Variants in SEMA4D observed in about 807,000 individuals in gnomAD.
SEMA4D encodes the protein semaphorin 4D.
A neutral mutation model predicts 74.8 loss-of-function variants in SEMA4D; 22 were observed. The observed-to-expected ratio is 0.29, with a 90% confidence interval of 0.21 to 0.42. The LOEUF (loss-of-function observed/expected upper bound fraction) is 0.42. Among genes scored for constraint, SEMA4D ranks in the 10% least tolerant of loss-of-function variants. The pLI, the probability that SEMA4D is intolerant of heterozygous loss-of-function variation, is 1.00. For missense variants in SEMA4D, 937 were observed against 1,118.4 expected (o/e 0.84, Z 2.31); for synonymous variants, 445 against 463.7 (o/e 0.96, Z 0.52).
chr9:89,478,503 T>C (rs1420900075), intron 1 of SEMA4D, among the ~76,000 whole-genome samples: 1 of 152,276 alleles, frequency 6.6e-6, no homozygotes, highest in Middle Eastern at 3.4e-3. Flanking sequence ...GTTTCTGTTG[T>C]TGGAAACCAC....
At chr9:89,443,723 C>A (rs779698607) in intron 2 of SEMA4D, among the ~76,000 whole-genome samples, 6 of 152,252 alleles carry the variant, frequency 3.9e-5, no homozygotes, top group Non-Finnish European at 5.9e-5. Context: ...AAACTCTCTA[C>A]CCTCCCTCCA....
chr9:89,476,504 T>C (rs997051120), intron 1 of SEMA4D, among the ~76,000 whole-genome samples: 1 of 152,134 alleles, frequency 6.6e-6, no homozygotes, highest in Non-Finnish European at 1.5e-5. Context: ...CCTCATCCAA[T>C]CAGCTGAAGG....
intron 8 of SEMA4D, among the ~76,000 whole-genome samples, chr9:89,391,768 T>C (rs1228297211): frequency 6.6e-6 from 1 of 152,172 alleles, no homozygotes; most frequent in Non-Finnish European, 1.5e-5. Flanking sequence ...AAGGCATGCA[T>C]TTGCTGGTTT....
chr9:89,434,055 T>C (rs943874986), intron 2 of SEMA4D, among the ~76,000 whole-genome samples: 10 of 152,182 alleles, frequency 6.6e-5, no homozygotes, highest in Admixed American at 6.5e-4. Context: ...CTGTGACACA[T>C]GGAGCACACC....
chr9:89,432,057 G>C (rs540683290), intron 2 of SEMA4D, among the ~76,000 whole-genome samples: 1 of 151,942 alleles, frequency 6.6e-6, no homozygotes, highest in Middle Eastern at 3.2e-3. Flanking sequence ...CCCCAGGAGA[G>C]GCATATTTAC....
rs941911421 is a variant in SEMA4D at position 89,484,654 on chromosome 9, G to C, written c.-310+13265C>G. Among the ~76,000 whole-genome samples the C allele has an allele frequency of 1.3e-5, 2 of 151,750 alleles. No homozygotes were observed. The highest frequency in any genetic ancestry group is 1.5e-5 in the Non-Finnish European group (1 of 67,930). ...TATGCAGTATATATGTAGTGTGTGT[G>C]TGGTGTGGTGTGTGTATGTAGTGTG... is the stretch of plus-strand genomic sequence containing the variant. On this transcript the variant is annotated intron_variant, in intron 1 of 15. Coordinates refer to ENST00000422704, the MANE Select transcript of SEMA4D (RefSeq NM_001371194.2). The surrounding 1 kb of genome is among the most constrained non-coding windows in gnomAD (Gnocchi z 4.1).
At chr9:89,384,876 A>G in intron 13 of SEMA4D, 3 of 984,910 alleles carry the variant, frequency 3.0e-6, no homozygotes, top group Non-Finnish European at 3.6e-6. Flanking sequence ...TGGGCCTTCC[A>G]CCCCCACCTG....
At chr9:89,468,010 A>G (rs1318174205) in intron 1 of SEMA4D, among the ~76,000 whole-genome samples, 2 of 100,722 alleles carry the variant, frequency 2.0e-5, no homozygotes, top group African/African-American at 6.6e-5. Context: ...CAGCAGAAAG[A>G]GAGTCAGCCT....
intron 9 of SEMA4D, among the ~76,000 whole-genome samples, chr9:89,390,093 T>A (rs1429473262): frequency 6.6e-6 from 1 of 152,178 alleles, no homozygotes; most frequent in Non-Finnish European, 1.5e-5. Flanking sequence ...CATCGCTGAA[T>A]CTGCTCACTG....
chr9:89,480,820 C>T (rs891188134), intron 1 of SEMA4D, among the ~76,000 whole-genome samples: 1 of 152,242 alleles, frequency 6.6e-6, no homozygotes, highest in Non-Finnish European at 1.5e-5. Flanking sequence ...TCCCTACAAA[C>T]TGGGGGAGTG....
rs777527127 is a variant in SEMA4D at position 89,363,577 on chromosome 9, C to T, written c.2093-50G>A. On this transcript the variant is annotated intron_variant, in intron 17 of 18. Coordinates refer to the SEMA4D transcript ENST00000339861. ...GTCAAAGCTCTGTGGGCCTTTATGG[C>T]ACCCTTGATGCCCACTGGCCACCTT... 77 of 1,609,614 alleles carry T rather than the reference C, an allele frequency of 4.8e-5. No individual in the cohort carries two copies. In the Middle Eastern group the frequency reaches 6.6e-4, roughly 14 times the overall value.
At chr9:89,364,123 G>A (rs549652453) in intron 16 of SEMA4D, 11 of 1,397,130 alleles carry the variant, frequency 7.9e-6, no homozygotes, top group African/African-American at 4.3e-5. Flanking sequence ...CATGGCCAGC[G>A]GGAGCCTTGG....
At chr9:89,494,949 C>T (rs1825893760) in intron 1 of SEMA4D, among the ~76,000 whole-genome samples, 1 of 152,204 alleles carries the variant, frequency 6.6e-6, no homozygotes, top group African/African-American at 2.4e-5. Context: ...CCATGAGACA[C>T]ATCAATAGCC....
intron 1 of SEMA4D, among the ~76,000 whole-genome samples, chr9:89,489,334 T>A (rs746849787): frequency 1.3e-5 from 2 of 152,250 alleles, no homozygotes; most frequent in Non-Finnish European, 2.9e-5. Context: ...TCACAGCATG[T>A]CTTATATCAT....
chr9:89,482,037 G>C (rs1824752190), intron 1 of SEMA4D, among the ~76,000 whole-genome samples: 1 of 152,220 alleles, frequency 6.6e-6, no homozygotes, highest in Non-Finnish European at 1.5e-5. Context: ...AAGGAGGCAG[G>C]GAGAGGGGTC....
At chr9:89,362,060 AGAG>A (rs1472612769) in exon 19 of SEMA4D, 3 of 464,014 alleles carry the variant, frequency 6.5e-6, no homozygotes, top group African/African-American at 3.9e-5. Context: ...GCCTGACCGT[AGAG>A]GAGGAACCTG....
At chr9:89,397,626 G>C (rs1192906419) in intron 5 of SEMA4D, among the ~76,000 whole-genome samples, 1 of 152,226 alleles carries the variant, frequency 6.6e-6, no homozygotes, top group Non-Finnish European at 1.5e-5. Flanking sequence ...CTGGTTGGAA[G>C]TAATTCACTA....
chr9:89,461,691 C>CTTT, intron 1 of SEMA4D, among the ~76,000 whole-genome samples: 1 of 92,208 alleles, frequency 1.1e-5, no homozygotes, highest in Non-Finnish European at 2.3e-5. Context: ...ATGTGTATTT[C>CTTT]TTTTTTCTCT....
At chr9:89,390,830 G>T (rs1490824892) in intron 9 of SEMA4D, among the ~76,000 whole-genome samples, 1 of 152,130 alleles carries the variant, frequency 6.6e-6, no homozygotes, top group Non-Finnish European at 1.5e-5. Flanking sequence ...CATTTTAAAG[G>T]CACCCTCCCC....
Sources: allele counts gnomAD v4.1 joint callset (sites outside exome capture counted in the v4.1 genomes callset), GRCh38; gene constraint gnomAD v4.1.1; non-coding constraint Gnocchi (gnomAD v3.1); transcripts MANE v1.5; gene names NCBI Gene and HGNC (gene_info 2026-07-23, HGNC 2026-07-21).